SCNN1G: variants seen among roughly 807,000 people sequenced by gnomAD.
SCNN1G encodes the protein epithelial sodium channel subunit gamma.
Under a neutral mutation model 64.6 loss-of-function variants are expected in SCNN1G, and 27 were observed. The observed-to-expected ratio is 0.42, with a 90% CI of 0.31 to 0.58. The LOEUF (loss-of-function observed/expected upper bound fraction) is 0.58, where lower values mean the gene tolerates loss of function less well. SCNN1G is among the 20% of genes least tolerant of loss of function. The pLI, the probability that SCNN1G is intolerant of heterozygous loss-of-function variation, is 0.18. For missense variants in SCNN1G, 743 were observed against 823.4 expected (o/e 0.90, Z 1.19); for synonymous variants, 330 against 314.2 (o/e 1.05, Z -0.53).
chr16:23,195,287 C>G (rs7200183), intron 5 of SCNN1G, among the ~76,000 whole-genome samples: 86,350 of 151,854 alleles, frequency 0.57, 24,798 homozygotes, highest in East Asian at 0.78. Context: ...GCATTGCTAC[C>G]AGTCTACCAC....
Position 23,214,766 on chromosome 16 carries a change from C to G in SCNN1G, c.1548C>G (p.Ile516Met). The change falls in exon 12 of 13, where the codon ATC becomes ATG. Residue 516 changes from isoleucine to methionine, a missense_variant. Physicochemically the swap from Ile to Met is conservative, Grantham distance 10. Transcript: ENST00000300061. ...IFYKDLNQRS[I>M]MESPANSIEM... ...ACAAAGACCTGAACCAGAGATCCAT[C>G]ATGGAGAGCCCAGCCAACAGTGTGA... is the stretch of plus-strand genomic sequence containing the variant. The G allele has an allele frequency of 6.2e-7, 1 of 1,613,968 alleles. No individual in the cohort carries two copies.
rs919588120 is a variant in SCNN1G, at chr16:23,197,301, C to T, written c.951C>T (p.Tyr317=). The T allele has an allele frequency of 6.2e-7, 1 of 1,613,152 alleles. No individual in the cohort carries two copies. The highest frequency in any genetic ancestry group is 1.3e-5 in the African/African-American group (1 of 74,924). The change falls in exon 6 of 13, where the codon TAC becomes TAT. Residue 317 remains tyrosine, a synonymous_variant. Transcript: ENST00000300061. The part of the protein sequence containing the change: ...QVILYINEEE[Y]NPFLVSSTGA... ...TTTTGTACATAAACGAAGAGGAATA[C>T]AACCCATTCCTCGTGTCCTCCACTG...
intron 11 of SCNN1G, 83 bp from the exon 12 acceptor site, chr16:23,214,629 G>T: frequency 9.1e-7 from 1 of 1,102,412 alleles, no homozygotes; most frequent in Non-Finnish European, 1.4e-6. Context: ...CTGCCAGCTT[G>T]GGTAGGAGGG....
At position 23,212,669 on chromosome 16, in the gene SCNN1G, G is replaced by C; in HGVS notation, c.1295-9G>C. 1.2e-6 allele frequency: 2 copies of C among 1,612,088 alleles called. No homozygotes were observed. The highest frequency in any genetic ancestry group is 4.5e-5 in the East Asian group (2 of 44,872). ...CAAAGCTCATGCTGCCCTCTCCCTTGTCCCTCAGTGTATTGTTACTACCAA... is the reference window on the plus strand; with the variant it reads ...CAAAGCTCATGCTGCCCTCTCCCTTCTCCCTCAGTGTATTGTTACTACCAA... On this transcript the variant is annotated splice_polypyrimidine_tract_variant and intron_variant, in intron 8 of 12. Coordinates refer to ENST00000300061, the MANE Select transcript of SCNN1G (RefSeq NM_001039.4).
rs755000438 is a variant in SCNN1G at position 23,215,109 on chromosome 16, C to A, written c.1590C>A (p.Asn530Lys). 44 of 1,614,030 alleles carry A rather than the reference C, an allele frequency of 2.7e-5. No homozygotes were observed. The highest frequency in any genetic ancestry group is 1.8e-5 in the Non-Finnish European group (21 of 1,180,040). Reference protein sequence around the residue: ...PANSIEMLLSNFGGQLGLWMS... With the variant: ...PANSIEMLLSKFGGQLGLWMS... ...TGCAGATTGAGATGCTTCTGTCCAA[C>A]TTCGGTGGCCAGCTGGGCCTGTGGA... Residue 530 changes from asparagine (N) to lysine (K), a missense_variant, in exon 13 of 13, where the codon AAC becomes AAA. Asn to Lys is a moderately conservative substitution (Grantham distance 94). Coordinates refer to ENST00000300061, the MANE Select transcript of SCNN1G (RefSeq NM_001039.4).
rs953967120 is a variant in SCNN1G at position 23,214,991 on chromosome 16, C to T, written c.1570-98C>T. On this transcript the variant is annotated intron_variant, in intron 12 of 12. Coordinates refer to ENST00000300061, the MANE Select transcript of SCNN1G (RefSeq NM_001039.4). Reference sequence around the variant, plus strand: ...TTCTTCCTCCCAGCCTGTGCAGGGTCGGGGCTGACCCGTGGCTCCCTTGGG... The same window carrying T: ...TTCTTCCTCCCAGCCTGTGCAGGGTTGGGGCTGACCCGTGGCTCCCTTGGG... The T allele has an allele frequency of 4.3e-5, 62 of 1,427,296 alleles. 1 individual carries two copies. The highest frequency in any genetic ancestry group is 1.3e-4 in the African/African-American group (9 of 71,392). The allele number at this position is 1,427,296 out of a possible 1,614,324, so 88.4% of individuals were successfully genotyped here.
intron 4 of SCNN1G, among the ~76,000 whole-genome samples, chr16:23,192,953 C>T (rs956785602): frequency 1.6e-4 from 24 of 151,304 alleles, no homozygotes; most frequent in African/African-American, 5.1e-4. Context: ...CCTGTAGTCC[C>T]AGCTATTCAG....
intron 1 of SCNN1G, 98 bp downstream of exon 1, chr16:23,182,911 G>C (rs1297428898): frequency 6.6e-6 from 1 of 152,520 alleles, no homozygotes; most frequent in Non-Finnish European, 1.5e-5. Flanking sequence ...CGCGGTGGGT[G>C]GCCGAGCCAG....
At chr16:23,212,564 G>A (rs1413766637) in intron 8 of SCNN1G, 114 bp from the exon 9 acceptor site, 1 of 824,932 alleles carries the variant, frequency 1.2e-6, no homozygotes, top group African/African-American at 1.7e-5. Flanking sequence ...TTGGTAGAAA[G>A]TGGGAGGAGA....
intron 6 of SCNN1G, among the ~76,000 whole-genome samples, chr16:23,198,471 C>G (rs1959833159): frequency 6.6e-6 from 1 of 152,166 alleles, no homozygotes; most frequent in Admixed American, 6.5e-5. Context: ...TGGCTCATGC[C>G]TATAATCCCA....
intron 2 of SCNN1G, among the ~76,000 whole-genome samples, chr16:23,189,010 G>A (rs1959659168): frequency 6.6e-6 from 1 of 152,138 alleles, no homozygotes; most frequent in Admixed American, 6.5e-5. Context: ...TAGACTCCTG[G>A]TTGGCAGTTA....
chr16:23,195,537 G>C (rs1332957633), intron 5 of SCNN1G, among the ~76,000 whole-genome samples: 3 of 152,204 alleles, frequency 2.0e-5, no homozygotes, highest in Admixed American at 1.3e-4. Context: ...CCTGGCCTTT[G>C]TCCCTGTGTA....
chr16:23,210,925 C>T (rs1596776819), intron 7 of SCNN1G, among the ~76,000 whole-genome samples: 2 of 152,212 alleles, frequency 1.3e-5, no homozygotes, highest in South Asian at 4.2e-4. Context: ...GTAATCTCAG[C>T]TATAAGGGAG....
intron 4 of SCNN1G, 129 bp downstream of exon 4, chr16:23,192,671 T>G: frequency 1.3e-6 from 1 of 744,636 alleles, no homozygotes; most frequent in Non-Finnish European, 2.4e-6. Context: ...TGATGCTGCC[T>G]TTTGGAAACT....
chr16:23,184,494 TA>T lies in SCNN1G; in HGVS notation c.-45+1688del, dbSNP rs1217090685. Among the ~76,000 whole-genome samples the T allele has an allele frequency of 2.0e-5, 3 of 152,134 alleles. No homozygotes were observed. In the East Asian group the frequency reaches 5.8e-4, roughly 29 times the overall value. ...TAAGGATAGGCAATATTTTAAGTGA[TA>T]AAAAAATAAATTATATTCCTCTTGC... is the stretch of plus-strand genomic sequence containing the variant. On this transcript the variant is annotated intron_variant, in intron 1 of 12. Transcript: ENST00000300061.
intron 6 of SCNN1G, among the ~76,000 whole-genome samples, chr16:23,205,955 G>A (rs1330500291): frequency 6.6e-6 from 1 of 152,174 alleles, no homozygotes; most frequent in Non-Finnish European, 1.5e-5. Context: ...TCAGTGGCTG[G>A]GGGAGGAAGT....
At chr16:23,194,395 C>A (rs1346643462) in intron 5 of SCNN1G, 121 bp downstream of exon 5, 4 of 732,912 alleles carry the variant, frequency 5.5e-6, no homozygotes, top group African/African-American at 3.4e-5. Flanking sequence ...GGCCAGAAAC[C>A]AGGGATGCCC....
rs148553845 is a variant in SCNN1G at position 23,213,929 on chromosome 16, C to T, written c.1493+766C>T. On this transcript the variant is annotated intron_variant, in intron 11 of 12. Transcript: ENST00000300061. ...CCCAAATCTAGCCTCATGAAAGCAA[C>T]CCATTATTTCCAACTTTTCCTGAAA... 1.5e-3 allele frequency among the ~76,000 whole-genome samples: 223 copies of T among 152,318 alleles called. 1 individual carries two copies. The highest frequency in any genetic ancestry group is 5.1e-3 in the African/African-American group (214 of 41,566).
chr16:23,189,641 C>A lies in SCNN1G; in HGVS notation c.588C>A (p.Ile196=), dbSNP rs372209300. 5 of 1,614,090 alleles carry A rather than the reference C, an allele frequency of 3.1e-6. No homozygotes were observed. In the African/African-American group the frequency reaches 6.7e-5, roughly 22 times the overall value. Residue 196 remains isoleucine (I), a synonymous_variant, in exon 3 of 13, where the codon ATC becomes ATA. Coordinates refer to ENST00000300061, the MANE Select transcript of SCNN1G (RefSeq NM_001039.4). ...ACAAGGCTTCAAATGTCATGCACAT[C>A]GAGTCCAAGCAAGTGGTGGGATTCC... The part of the protein sequence containing the change: ...IIHKASNVMH[I]ESKQVVGFQL...
Sources: allele counts gnomAD v4.1 joint callset (sites outside exome capture counted in the v4.1 genomes callset), GRCh38; gene constraint gnomAD v4.1.1; transcripts MANE v1.5; gene names NCBI Gene and HGNC (gene_info 2026-07-23, HGNC 2026-07-21).